KCNQ5: variants seen among roughly 807,000 people sequenced by gnomAD.
KCNQ5 encodes potassium voltage-gated channel subfamily KQT member 5.
In KCNQ5, 30 loss-of-function variants were observed where a neutral mutation model predicts 98.2. The observed-to-expected ratio is 0.31, with a 90% CI of 0.23 to 0.41. The LOEUF (loss-of-function observed/expected upper bound fraction) is 0.41, where lower values mean the gene tolerates loss of function less well. KCNQ5 is among the 10% of genes least tolerant of loss of function. The pLI is 1.00. For synonymous variants in KCNQ5, 458 were observed against 449.4 expected (o/e 1.02, Z -0.24); for missense variants, 835 against 1,182.5 (o/e 0.71, Z 4.31).
At chr6:72,945,743 C>T (rs1766514394) in intron 1 of KCNQ5, among the ~76,000 whole-genome samples, 1 of 152,126 alleles carries the variant, frequency 6.6e-6, no homozygotes, top group South Asian at 2.1e-4. Flanking sequence ...GCATGAGCCA[C>T]TGCTCCCCAC....
intron 1 of KCNQ5, among the ~76,000 whole-genome samples, chr6:72,653,662 T>C (rs1251135181): frequency 6.6e-6 from 1 of 152,078 alleles, no homozygotes; most frequent in African/African-American, 2.4e-5. Context: ...TTCATGTTGT[T>C]AAATGTGGAT....
intron 2 of KCNQ5, among the ~76,000 whole-genome samples, chr6:73,015,159 G>T (rs1051861325): frequency 3.3e-5 from 5 of 152,098 alleles, no homozygotes; most frequent in Admixed American, 3.3e-4. Context: ...TGAGGAATGA[G>T]CAATGCTTCT....
Position 73,106,725 on chromosome 6 carries a change from T to C in KCNQ5, c.1029+1358T>C, listed in dbSNP as rs187345987. The stretch of plus-strand genomic sequence containing the variant: ...GGTCACATTCTGAGGTCATGGGGAT[T>C]AGGACTTCAACATATGAATTTTGGA... On this transcript the variant is annotated intron_variant, in intron 6 of 13. Coordinates refer to ENST00000370398, the MANE Select transcript of KCNQ5 (RefSeq NM_019842.4). Among the ~76,000 whole-genome samples the C allele has an allele frequency of 5.3e-5, 8 of 152,350 alleles. No homozygotes were observed. In the East Asian group the frequency reaches 1.5e-3, roughly 29 times the overall value.
intron 1 of KCNQ5, among the ~76,000 whole-genome samples, chr6:72,714,739 A>C (rs898624541): frequency 2.0e-5 from 3 of 152,198 alleles, no homozygotes; most frequent in Admixed American, 6.5e-5. Context: ...AATTTCTGTC[A>C]GTTTCTAAAT....
chr6:72,790,043 T>C (rs1347618288), intron 1 of KCNQ5, among the ~76,000 whole-genome samples: 8 of 152,222 alleles, frequency 5.3e-5, no homozygotes, highest in Non-Finnish European at 7.3e-5. Flanking sequence ...TAGACGCCAC[T>C]TGTCAAGATA....
chr6:73,179,616 A>G (rs1778335066), intron 11 of KCNQ5, among the ~76,000 whole-genome samples: 1 of 152,214 alleles, frequency 6.6e-6, no homozygotes, highest in African/African-American at 2.4e-5. Context: ...ACATAAAGTG[A>G]GGGGTTAAGG....
At chr6:72,741,640 G>C (rs959485305) in intron 1 of KCNQ5, among the ~76,000 whole-genome samples, 1 of 152,084 alleles carries the variant, frequency 6.6e-6, no homozygotes, top group African/African-American at 2.4e-5. Context: ...ATTAGAATAG[G>C]AAAGACATAC....
intron 1 of KCNQ5, among the ~76,000 whole-genome samples, chr6:72,818,743 T>C (rs1283952740): frequency 6.6e-6 from 1 of 151,170 alleles, no homozygotes; most frequent in East Asian, 1.9e-4. Flanking sequence ...ATAAAGTATG[T>C]ATTATTTTAA....
chr6:72,770,637 T>G (rs1243403660), intron 1 of KCNQ5, among the ~76,000 whole-genome samples: 1 of 152,132 alleles, frequency 6.6e-6, no homozygotes, highest in East Asian at 1.9e-4. Flanking sequence ...TGTGTACCGA[T>G]TTTATTTTCC....
At chr6:72,876,537 TTAA>T (rs1778415771) in intron 1 of KCNQ5, among the ~76,000 whole-genome samples, 1 of 152,190 alleles carries the variant, frequency 6.6e-6, no homozygotes, top group African/African-American at 2.4e-5. Context: ...TGATTTAAAA[TTAA>T]GGTAAATCTT....
chr6:73,001,053 T>C (rs1402665340), intron 1 of KCNQ5, among the ~76,000 whole-genome samples: 1 of 152,256 alleles, frequency 6.6e-6, no homozygotes, highest in Non-Finnish European at 1.5e-5. Flanking sequence ...TTCCACATTT[T>C]GTACCCTCCT....
At chr6:72,969,099 A>T (rs955373825) in intron 1 of KCNQ5, among the ~76,000 whole-genome samples, 1 of 152,200 alleles carries the variant, frequency 6.6e-6, no homozygotes, top group Non-Finnish European at 1.5e-5. Flanking sequence ...AAGTATATTT[A>T]TTTTAAAAGT....
intron 1 of KCNQ5, among the ~76,000 whole-genome samples, chr6:72,873,301 C>A (rs530900610): frequency 1.3e-5 from 2 of 152,168 alleles, no homozygotes; most frequent in African/African-American, 4.8e-5. Flanking sequence ...ATGCTCTTCA[C>A]CTTGGGTAAT....
chr6:73,183,531 C>T (rs767385581), intron 11 of KCNQ5, among the ~76,000 whole-genome samples: 54 of 152,088 alleles, frequency 3.6e-4, no homozygotes, highest in Non-Finnish European at 7.4e-4. Context: ...AGTGGGTGCC[C>T]AGGTTAAGTT....
intron 1 of KCNQ5, among the ~76,000 whole-genome samples, chr6:72,957,038 T>C (rs1337987576): frequency 6.6e-6 from 1 of 152,218 alleles, no homozygotes; most frequent in African/African-American, 2.4e-5. Flanking sequence ...CAGGCTGGGC[T>C]TTGCCTCTAC....
At chr6:73,177,052 G>A (rs147550613) in intron 11 of KCNQ5, among the ~76,000 whole-genome samples, 178 of 152,324 alleles carry the variant, frequency 1.2e-3, no homozygotes, top group African/African-American at 3.9e-3. Flanking sequence ...CCAGGAGAGC[G>A]TGACAGAAGA....
At chr6:72,921,386 CAGCATGTT>C (rs1780390186) in intron 1 of KCNQ5, among the ~76,000 whole-genome samples, 1 of 152,158 alleles carries the variant, frequency 6.6e-6, no homozygotes, top group South Asian at 2.1e-4. Context: ...TTGGGCTCAA[CAGCATGTT>C]TGGCGTGAGT....
At chr6:73,124,746 T>C in intron 9 of KCNQ5, 2 of 548,566 alleles carry the variant, frequency 3.6e-6, no homozygotes, top group Non-Finnish European at 6.5e-6. Context: ...ATGGAACATT[T>C]GGAGGTGGGG....
intron 5 of KCNQ5, among the ~76,000 whole-genome samples, chr6:73,099,157 A>G (rs951079258): frequency 2.0e-5 from 3 of 152,232 alleles, no homozygotes; most frequent in Admixed American, 2.0e-4. Flanking sequence ...CAATGGATAC[A>G]CACAAAAAAA....
Sources: gnomAD v4.1 joint callset for allele counts (sites outside exome capture counted in the v4.1 genomes callset) on GRCh38, gnomAD v4.1.1 for gene constraint, MANE v1.5 for transcripts, NCBI Gene and HGNC (gene_info 2026-07-23, HGNC 2026-07-21) for gene names.